Variants in TRAF3 observed in about 807,000 individuals in gnomAD.
TRAF3 encodes the protein TNF receptor associated factor 3, also known as TNF receptor-associated factor 3.
Under a neutral mutation model 62.3 loss-of-function variants are expected in TRAF3, and 13 were observed. The ratio of observed to expected loss-of-function variants is 0.21; its 90% confidence interval spans 0.14 to 0.33. TRAF3 has a LOEUF of 0.33. TRAF3 is among the 10% of genes least tolerant of loss of function. TRAF3 has a pLI of 1.00. For missense variants in TRAF3, 440 were observed against 741.8 expected (o/e 0.59, Z 4.73); for synonymous variants, 269 against 283.4 (o/e 0.95, Z 0.51).
chr14:102,891,284 C>A, intron 8 of TRAF3, 41 bp from the exon 9 acceptor site: 1 of 1,584,088 alleles, frequency 6.3e-7, no homozygotes, highest in Non-Finnish European at 8.6e-7. Flanking sequence ...CTTTGAAATG[C>A]AGCGAGGTTC....
At chr14:102,816,694 ATTGTGGCAG>A (rs1279445430) in intron 1 of TRAF3, among the ~76,000 whole-genome samples, 1 of 152,148 alleles carries the variant, frequency 6.6e-6, no homozygotes, top group African/African-American at 2.4e-5. Flanking sequence ...TGATCATATG[ATTGTGGCAG>A]TTTCTTGATT....
At chr14:102,804,928 G>C (rs1234177163) in intron 1 of TRAF3, among the ~76,000 whole-genome samples, 2 of 152,024 alleles carry the variant, frequency 1.3e-5, no homozygotes, top group Non-Finnish European at 2.9e-5. Flanking sequence ...TGATCCTCCA[G>C]GACAGAAAAA....
chr14:102,857,813 G>T (rs990896573), intron 2 of TRAF3, among the ~76,000 whole-genome samples: 1 of 152,194 alleles, frequency 6.6e-6, no homozygotes, highest in Non-Finnish European at 1.5e-5. Flanking sequence ...GTGTCCTGTT[G>T]CAAAAGAAAA....
At chr14:102,887,376 G>A (rs1889454951) in intron 7 of TRAF3, among the ~76,000 whole-genome samples, 1 of 152,236 alleles carries the variant, frequency 6.6e-6, no homozygotes, top group African/African-American at 2.4e-5. Context: ...GCTAGGGCCA[G>A]GGACTCAGGG....
chr14:102,859,420 T>G (rs1956161), intron 2 of TRAF3, among the ~76,000 whole-genome samples: 8,008 of 152,306 alleles, frequency 0.053, 295 homozygotes, highest in African/African-American at 0.1. Context: ...AGATAAGGTC[T>G]GACACTTACT....
intron 2 of TRAF3, among the ~76,000 whole-genome samples, chr14:102,832,467 A>T (rs1278471534): frequency 6.6e-6 from 1 of 152,022 alleles, no homozygotes; most frequent in Admixed American, 6.6e-5. Context: ...TGAGGTCAGG[A>T]GTTCGAGACC....
intron 2 of TRAF3, among the ~76,000 whole-genome samples, chr14:102,852,797 C>T (rs889036410): frequency 6.6e-6 from 1 of 151,964 alleles, no homozygotes; most frequent in African/African-American, 2.4e-5. Flanking sequence ...AGCTCCTGGG[C>T]TTAAGCAGTT....
chr14:102,816,263 C>T (rs990040345), intron 1 of TRAF3, among the ~76,000 whole-genome samples: 1 of 151,976 alleles, frequency 6.6e-6, no homozygotes, highest in African/African-American at 2.4e-5. Flanking sequence ...CCACCACCCT[C>T]GCCTAATTTT....
intron 9 of TRAF3, among the ~76,000 whole-genome samples, chr14:102,894,216 A>C (rs1447553169): frequency 6.6e-6 from 1 of 152,060 alleles, no homozygotes; most frequent in East Asian, 1.9e-4. Flanking sequence ...GATCCCAGCT[A>C]CTCGGGAGGC....
At chr14:102,859,531 A>G (rs1887565846) in intron 2 of TRAF3, among the ~76,000 whole-genome samples, 1 of 152,246 alleles carries the variant, frequency 6.6e-6, no homozygotes, top group Non-Finnish European at 1.5e-5. Context: ...TCAAAGAGGC[A>G]GTTTATAAAG....
chr14:102,874,949 G>T lies in TRAF3; in HGVS notation c.298-675G>T, dbSNP rs531339961. 2.0e-5 allele frequency among the ~76,000 whole-genome samples: 3 copies of T among 152,208 alleles called. No homozygotes were observed. The East Asian group carries it at 5.8e-4, about 29-fold the overall frequency. On this transcript the variant is annotated intron_variant, in intron 4 of 11. Transcript: ENST00000392745. ...TGGGATTTTAGGCTTCAGCTACCAC[G>T]CCCAGCCTCGTTTTCATTTTCAAAG...
chr14:102,820,568 A>T, intron 1 of TRAF3, among the ~76,000 whole-genome samples: 1 of 90,308 alleles, frequency 1.1e-5, no homozygotes, highest in Non-Finnish European at 2.1e-5. Context: ...CTGAAATGGG[A>T]CCAGCATATA....
intron 1 of TRAF3, among the ~76,000 whole-genome samples, chr14:102,784,341 G>T (rs1413819635): frequency 1.3e-5 from 2 of 149,180 alleles, no homozygotes; most frequent in African/African-American, 5.0e-5. Flanking sequence ...TCCTGCCCCA[G>T]CCTCCTGAGT....
chr14:102,854,801 G>A (rs544301963), intron 2 of TRAF3, among the ~76,000 whole-genome samples: 4,035 of 136,890 alleles, frequency 0.029, 87 homozygotes, highest in Middle Eastern at 0.066. Flanking sequence ...GCACCTGGCT[G>A]TTTTTTTTTT....
At chr14:102,885,403 G>A (rs1464448485) in intron 6 of TRAF3, among the ~76,000 whole-genome samples, 1 of 152,156 alleles carries the variant, frequency 6.6e-6, no homozygotes, top group African/African-American at 2.4e-5. Context: ...TGCTCAGCAG[G>A]GACTGTTCAG....
intron 2 of TRAF3, among the ~76,000 whole-genome samples, chr14:102,860,189 A>G (rs1404758942): frequency 1.8e-4 from 28 of 152,244 alleles, no homozygotes; most frequent in Admixed American, 1.8e-3. Context: ...AGTGCCATTT[A>G]GCCATCCCCA....
At chr14:102,836,821 G>A (rs746292228) in intron 2 of TRAF3, among the ~76,000 whole-genome samples, 9 of 152,218 alleles carry the variant, frequency 5.9e-5, no homozygotes, top group African/African-American at 1.4e-4. Flanking sequence ...AATGAAGTAA[G>A]TATGCAGTGG....
intron 4 of TRAF3, among the ~76,000 whole-genome samples, chr14:102,872,278 G>A (rs933278427): frequency 6.6e-6 from 1 of 152,234 alleles, no homozygotes; most frequent in Non-Finnish European, 1.5e-5. Flanking sequence ...GCAAAGTGCT[G>A]AGATGCCTGT....
intron 9 of TRAF3, among the ~76,000 whole-genome samples, chr14:102,894,783 C>A (rs1291319574): frequency 1.3e-5 from 2 of 152,192 alleles, no homozygotes; most frequent in Non-Finnish European, 2.9e-5. Context: ...CTCACTGCAG[C>A]CTCGACCTCC....
Sources: gnomAD v4.1 joint callset for allele counts (sites outside exome capture counted in the v4.1 genomes callset) on GRCh38, gnomAD v4.1.1 for gene constraint, MANE v1.5 for transcripts, NCBI Gene and HGNC (gene_info 2026-07-23, HGNC 2026-07-21) for gene names.